The following TESK2 variants were observed in gnomAD, a reference collection of about 807,000 sequenced individuals.
The protein encoded by TESK2 is dual specificity testis-specific protein kinase 2.
In TESK2, 39 loss-of-function variants were observed where a neutral mutation model predicts 57.1. The ratio of observed to expected loss-of-function variants is 0.68; its 90% confidence interval spans 0.53 to 0.89. The LOEUF (loss-of-function observed/expected upper bound fraction) is 0.89, where lower values mean the gene tolerates loss of function less well. Among genes scored for constraint, TESK2 ranks in the 40% least tolerant of loss-of-function variants. The pLI is 0.00. For synonymous variants in TESK2, 249 were observed against 267.9 expected (o/e 0.93, Z 0.69); for missense variants, 646 against 732.1 (o/e 0.88, Z 1.36).
At chr1:45,456,444 G>A (rs12028730) in intron 2 of TESK2, among the ~76,000 whole-genome samples, 31,922 of 151,604 alleles carry the variant, frequency 0.21, 3,702 homozygotes, top group Non-Finnish European at 0.27. Flanking sequence ...GCTTGAACCC[G>A]GGAAGCAGAG....
intron 2 of TESK2, among the ~76,000 whole-genome samples, chr1:45,432,488 A>C (rs376957759): frequency 2.6e-5 from 4 of 151,566 alleles, no homozygotes; most frequent in African/African-American, 9.7e-5. Flanking sequence ...TCAGGAGATC[A>C]AGACCATCCT....
chr1:45,473,124 C>T (rs1652841158), intron 1 of TESK2, among the ~76,000 whole-genome samples: 1 of 149,056 alleles, frequency 6.7e-6, no homozygotes, highest in African/African-American at 2.5e-5. Context: ...ACTGCACTCC[C>T]TGGCAAGACA....
intron 4 of TESK2, among the ~76,000 whole-genome samples, chr1:45,381,770 A>C (rs1404022122): frequency 6.6e-6 from 1 of 151,992 alleles, no homozygotes; most frequent in African/African-American, 2.4e-5. Flanking sequence ...AAAAAAAAAC[A>C]AAGATTTACA....
At chr1:45,465,685 T>G (rs1652523889) in intron 1 of TESK2, among the ~76,000 whole-genome samples, 1 of 152,186 alleles carries the variant, frequency 6.6e-6, no homozygotes, top group Non-Finnish European at 1.5e-5. Flanking sequence ...AAATGTTATA[T>G]GCTTAGAGAT....
chr1:45,388,537 G>A (rs1648991188), intron 3 of TESK2, among the ~76,000 whole-genome samples: 1 of 152,074 alleles, frequency 6.6e-6, no homozygotes, highest in African/African-American at 2.4e-5. Context: ...TGGCTTCTTT[G>A]ATGTTATAAT....
At position 45,378,041 on chromosome 1, in the gene TESK2, G is replaced by T. The variant is rs569173691; in HGVS notation, c.393+7871C>A. Among the ~76,000 whole-genome samples, 4 of 151,884 alleles carry T rather than the reference G, an allele frequency of 2.6e-5. No homozygotes were observed. In the South Asian group the frequency reaches 8.3e-4, roughly 32 times the overall value. ...ACTCCATCTCAAAAAATAAAGAAAT[G>T]AAATGATAAGGTTGGAATGGATGGC... On this transcript the variant is annotated intron_variant, in intron 4 of 10. Coordinates refer to ENST00000372086, the MANE Select transcript of TESK2 (RefSeq NM_007170.3).
At chr1:45,455,986 A>T (rs1383883309) in intron 2 of TESK2, among the ~76,000 whole-genome samples, 1 of 151,996 alleles carries the variant, frequency 6.6e-6, no homozygotes, top group African/African-American at 2.4e-5. Context: ...TGAGCCCAGG[A>T]GTTCAAGAAC....
rs544333289 is a variant in TESK2 at position 45,409,244 on chromosome 1, A to G, written c.344+12481T>C. On this transcript the variant is annotated intron_variant, in intron 3 of 10. Transcript: ENST00000372086. Reference sequence around the variant, plus strand: ...TTTTCAGAAGTAATGAGAACTTGTAACAAATATCGATGTCTATTTTAGACT... The same window carrying G: ...TTTTCAGAAGTAATGAGAACTTGTAGCAAATATCGATGTCTATTTTAGACT... Among the ~76,000 whole-genome samples, 5 of 152,348 alleles carry G rather than the reference A, an allele frequency of 3.3e-5. No homozygotes were observed. The South Asian group carries it at 1.0e-3, about 32-fold the overall frequency.
At chr1:45,488,019 T>C (rs1285850577) in intron 1 of TESK2, among the ~76,000 whole-genome samples, 2 of 151,112 alleles carry the variant, frequency 1.3e-5, no homozygotes, top group Non-Finnish European at 2.9e-5. Context: ...GTTCAAGCAA[T>C]CCTCCCACCT....
At chr1:45,437,313 T>G (rs1328751519) in intron 2 of TESK2, among the ~76,000 whole-genome samples, 2 of 152,354 alleles carry the variant, frequency 1.3e-5, no homozygotes, top group East Asian at 3.9e-4. Context: ...ATTATAATTT[T>G]TGTAGCTGTA....
chr1:45,351,168 T>C (rs1647225168), intron 5 of TESK2, among the ~76,000 whole-genome samples: 1 of 152,256 alleles, frequency 6.6e-6, no homozygotes, highest in Non-Finnish European at 1.5e-5. Flanking sequence ...CAAACTACTT[T>C]CTCAGCTGCC....
At chr1:45,401,328 C>T (rs571217748) in intron 3 of TESK2, among the ~76,000 whole-genome samples, 1,855 of 150,464 alleles carry the variant, frequency 0.012, 26 homozygotes, top group Non-Finnish European at 0.02. Flanking sequence ...ACTTGGGAGG[C>T]GGAGATTGCA....
intron 1 of TESK2, among the ~76,000 whole-genome samples, chr1:45,479,813 CTTTTTTT>C (rs35869444): frequency 5.8e-5 from 4 of 68,550 alleles, no homozygotes; most frequent in South Asian, 6.1e-4. Flanking sequence ...GAAGGCCCTT[CTTTTTTT>C]TTTTTTTTTT....
At chr1:45,390,482 C>T (rs1329001297) in intron 3 of TESK2, among the ~76,000 whole-genome samples, 1 of 151,520 alleles carries the variant, frequency 6.6e-6, no homozygotes, top group Non-Finnish European at 1.5e-5. Context: ...AAATAGAAAT[C>T]TTCCCTTGCC....
Position 45,346,011 on chromosome 1 carries a change from C to T in TESK2, c.880-17G>A. On this transcript the variant is annotated splice_polypyrimidine_tract_variant and intron_variant, in intron 9 of 10. Coordinates refer to ENST00000372086, the MANE Select transcript of TESK2 (RefSeq NM_007170.3). ...GGGATCCATCTGTAGGTATCCACAA[C>T]AGCCATGAGCTCTGCCCTCCATCTC... The T allele has an allele frequency of 6.3e-7, 1 of 1,580,374 alleles. No individual in the cohort carries two copies. Among genetic ancestry groups the T allele is most frequent in the Non-Finnish European group, 8.7e-7 (1 of 1,149,290 alleles).
chr1:45,354,470 C>T (rs538659661), intron 5 of TESK2, among the ~76,000 whole-genome samples: 1 of 151,994 alleles, frequency 6.6e-6, no homozygotes, highest in South Asian at 2.1e-4. Flanking sequence ...ACTAAAAATA[C>T]AAAAAATTAG....
At chr1:45,442,782 G>A (rs1437312796) in intron 2 of TESK2, among the ~76,000 whole-genome samples, 2 of 151,854 alleles carry the variant, frequency 1.3e-5, no homozygotes, top group Admixed American at 6.6e-5. Flanking sequence ...CATCCAAATC[G>A]TTCCAATTTT....
At chr1:45,435,417 C>T (rs1017036910) in intron 2 of TESK2, among the ~76,000 whole-genome samples, 2 of 151,424 alleles carry the variant, frequency 1.3e-5, no homozygotes, top group South Asian at 2.1e-4. Context: ...GCATGGGCTA[C>T]TGCACCCAGC....
intron 3 of TESK2, among the ~76,000 whole-genome samples, chr1:45,402,232 T>TA (rs1280352736): frequency 6.6e-6 from 1 of 150,554 alleles, no homozygotes; most frequent in Non-Finnish European, 1.5e-5. Context: ...TCTAAAAAAA[T>TA]AAAAAAATTA....
Sources: gnomAD v4.1 joint callset for allele counts (sites outside exome capture counted in the v4.1 genomes callset) on GRCh38, gnomAD v4.1.1 for gene constraint, MANE v1.5 for transcripts, NCBI Gene and HGNC (gene_info 2026-07-23, HGNC 2026-07-21) for gene names.